The following FGF10 variants were observed in gnomAD, a reference collection of about 807,000 sequenced individuals.
FGF10 encodes the protein fibroblast growth factor 10.
In FGF10, 2 loss-of-function variants were observed where a neutral mutation model predicts 19.8. That is an observed-to-expected ratio of 0.10 (90% CI 0.04 to 0.32). FGF10 has a LOEUF of 0.32. Among genes scored for constraint, FGF10 ranks in the 10% least tolerant of loss-of-function variants. FGF10 has a pLI of 1.00. For synonymous variants in FGF10, 112 were observed against 94.0 expected (o/e 1.19, Z -1.10); for missense variants, 191 against 246.3 (o/e 0.78, Z 1.50).
chr5:44,380,208 C>T (rs538320324), intron 1 of FGF10, among the ~76,000 whole-genome samples: 27 of 152,232 alleles, frequency 1.8e-4, no homozygotes, highest in African/African-American at 6.5e-4. Flanking sequence ...ATTAATTCTT[C>T]TTTTAATAAT....
At chr5:44,338,823 A>G (rs562051090) in intron 1 of FGF10, among the ~76,000 whole-genome samples, 2 of 152,300 alleles carry the variant, frequency 1.3e-5, no homozygotes, top group Non-Finnish European at 2.9e-5. Flanking sequence ...AGAATGAGAC[A>G]TGTTATTGTT....
chr5:44,370,735 C>T (rs1030219403), intron 1 of FGF10, among the ~76,000 whole-genome samples: 1 of 152,080 alleles, frequency 6.6e-6, no homozygotes, highest in African/African-American at 2.4e-5. Flanking sequence ...ATGAGAGAAA[C>T]AAATTTTCTG....
At chr5:44,367,722 C>T (rs937054544) in intron 1 of FGF10, among the ~76,000 whole-genome samples, 28 of 152,056 alleles carry the variant, frequency 1.8e-4, no homozygotes, top group Non-Finnish European at 3.8e-4. Flanking sequence ...TTATTATTTT[C>T]TCCTATTCTA....
At chr5:44,312,486 C>T (rs150254293) in intron 1 of FGF10, among the ~76,000 whole-genome samples, 1 of 152,188 alleles carries the variant, frequency 6.6e-6, no homozygotes, top group African/African-American at 2.4e-5. Flanking sequence ...TACAAGGGAA[C>T]CCTGTTGCAA....
chr5:44,312,980 C>T (rs1394384267), intron 1 of FGF10, among the ~76,000 whole-genome samples: 1 of 151,996 alleles, frequency 6.6e-6, no homozygotes, highest in Non-Finnish European at 1.5e-5. Flanking sequence ...TTAGATACCC[C>T]TTTGTTTCTT....
At chr5:44,358,818 ACATGCTCTACT>A (rs1241500433) in intron 1 of FGF10, among the ~76,000 whole-genome samples, 1 of 151,522 alleles carries the variant, frequency 6.6e-6, no homozygotes, top group Non-Finnish European at 1.5e-5. Context: ...TTTTAATGGT[ACATGCTCTACT>A]CATGACAACA....
rs1579922561 is a variant in FGF10 at position 44,347,968 on chromosome 5, A to G, written c.326-37438T>C. Among the ~76,000 whole-genome samples, 3 of 151,718 alleles carry G rather than the reference A, an allele frequency of 2.0e-5. No homozygotes were observed. In the South Asian group the frequency reaches 6.2e-4, roughly 31 times the overall value. ...TTTTTATTTAATTTAGAAGGTCAGT[A>G]TAGGAGTCTTACACACAATCCCTCT... On this transcript the variant is annotated intron_variant, in intron 1 of 2. Transcript: ENST00000264664.
At chr5:44,381,788 C>A (rs1741987911) in intron 1 of FGF10, among the ~76,000 whole-genome samples, 1 of 152,114 alleles carries the variant, frequency 6.6e-6, no homozygotes, top group Admixed American at 6.5e-5. Context: ...TAAAAAAGTT[C>A]TAAATCTTGC....
At chr5:44,325,349 T>C (rs1740588239) in intron 1 of FGF10, among the ~76,000 whole-genome samples, 1 of 151,868 alleles carries the variant, frequency 6.6e-6, no homozygotes, top group Non-Finnish European at 1.5e-5. Flanking sequence ...GATCTAGAAC[T>C]AGAAATACCA....
chr5:44,365,972 G>A (rs1161152221), intron 1 of FGF10, among the ~76,000 whole-genome samples: 1 of 151,712 alleles, frequency 6.6e-6, no homozygotes. Flanking sequence ...ATAAAATTAA[G>A]ATAAATTATT....
intron 1 of FGF10, among the ~76,000 whole-genome samples, chr5:44,315,924 G>C (rs1406090734): frequency 6.6e-6 from 1 of 152,122 alleles, no homozygotes; most frequent in African/African-American, 2.4e-5. Flanking sequence ...ATGAAGTGAA[G>C]CCTCAAAACA....
chr5:44,344,336 A>C (rs1464007341), intron 1 of FGF10, among the ~76,000 whole-genome samples: 1 of 150,828 alleles, frequency 6.6e-6, no homozygotes, highest in Non-Finnish European at 1.5e-5. Flanking sequence ...GTCTGAATAA[A>C]GACAAACTGT....
At chr5:44,349,314 C>T (rs1384601708) in intron 1 of FGF10, among the ~76,000 whole-genome samples, 1 of 148,430 alleles carries the variant, frequency 6.7e-6, no homozygotes, top group East Asian at 2.0e-4. Context: ...ATATGGAAAG[C>T]AATTTAGCTA....
chr5:44,346,675 C>T (rs1327281391), intron 1 of FGF10, among the ~76,000 whole-genome samples: 5 of 151,776 alleles, frequency 3.3e-5, no homozygotes, highest in Admixed American at 6.6e-5. Context: ...CTCAGTACAT[C>T]GCCTCATAAG....
rs1739978917 is a variant in FGF10, at chr5:44,302,233, TTC to T, written c.*2760_*2761del. On this transcript the variant is annotated 3_prime_UTR_variant, in exon 3 of 3. Transcript: ENST00000264664. Reference sequence around the variant, plus strand: ...TTACTCCTTACCAAACAATCTTTCTTTCTCTCTCCTTCCTTCCCTCCCTTCTT... The same window carrying T: ...TTACTCCTTACCAAACAATCTTTCTTTCTCTCCTTCCTTCCCTCCCTTCTT... 6.6e-6 allele frequency among the ~76,000 whole-genome samples: 1 copy of T among 151,508 alleles called. No homozygotes were observed. Among genetic ancestry groups the T allele is most frequent in the African/African-American group, 2.4e-5 (1 of 41,320 alleles).
chr5:44,376,701 T>G (rs1234645379), intron 1 of FGF10, among the ~76,000 whole-genome samples: 10 of 151,864 alleles, frequency 6.6e-5, no homozygotes, highest in Non-Finnish European at 1.5e-4. Flanking sequence ...ATAATGTCAT[T>G]TTAGTGAAGA....
At chr5:44,366,216 A>G (rs1359560865) in intron 1 of FGF10, among the ~76,000 whole-genome samples, 1 of 131,116 alleles carries the variant, frequency 7.6e-6, no homozygotes, top group African/African-American at 2.8e-5. Context: ...GCAAAAGGTT[A>G]TATATACATC....
At chr5:44,379,989 A>T (rs920943223) in intron 1 of FGF10, among the ~76,000 whole-genome samples, 8 of 152,172 alleles carry the variant, frequency 5.3e-5, no homozygotes, top group Non-Finnish European at 8.8e-5. Flanking sequence ...TTGTTCATCA[A>T]GTTTTTATAC....
At chr5:44,385,200 T>C (rs1206829999) in intron 1 of FGF10, among the ~76,000 whole-genome samples, 1 of 152,168 alleles carries the variant, frequency 6.6e-6, no homozygotes, top group Admixed American at 6.5e-5. Flanking sequence ...ACATAATTCA[T>C]CTCTGCTCTC....
Sources: allele counts gnomAD v4.1 joint callset (sites outside exome capture counted in the v4.1 genomes callset), GRCh38; gene constraint gnomAD v4.1.1; transcripts MANE v1.5; gene names NCBI Gene and HGNC (gene_info 2026-07-23, HGNC 2026-07-21).